IARS2: variants seen among roughly 807,000 people sequenced by gnomAD.
The protein encoded by IARS2 is isoleucine--tRNA ligase, mitochondrial.
Under a neutral mutation model 126.3 loss-of-function variants are expected in IARS2, and 56 were observed. The observed-to-expected ratio is 0.44, with a 90% CI of 0.36 to 0.55. The LOEUF (loss-of-function observed/expected upper bound fraction) is 0.55. Among genes scored for constraint, IARS2 ranks in the 20% least tolerant of loss-of-function variants. IARS2 has a pLI of 0.00. For missense variants in IARS2, 1,127 were observed against 1,245.9 expected (o/e 0.90, Z 1.44); for synonymous variants, 407 against 441.1 (o/e 0.92, Z 0.97).
At chr1:220,131,793 ATTT>A (rs34917733) in intron 14 of IARS2, among the ~76,000 whole-genome samples, 14 of 120,584 alleles carry the variant, frequency 1.2e-4, no homozygotes, top group Middle Eastern at 5.5e-3. Context: ...GCCACGTTGA[ATTT>A]TTTTTTTTTT....
Position 220,126,834 on chromosome 1 carries a change from G to A in IARS2, c.1828G>A (p.Val610Ile), listed in dbSNP as rs764223534. The change falls in exon 14 of 23, where the codon GTT (valine) becomes ATT (isoleucine). Residue 610 changes from valine (V) to isoleucine (I), a missense_variant. Coordinates refer to ENST00000366922, the MANE Select transcript of IARS2 (RefSeq NM_018060.4). The part of the protein sequence containing the change: ...WFDSGTSWSY[V>I]LPGPDQRADL... Reference sequence around the variant, plus strand: ...TGATAGCGGAACTTCATGGTCTTATGTTCTTCCAGGTAATTCTTAAAAATA... The same window carrying A: ...TGATAGCGGAACTTCATGGTCTTATATTCTTCCAGGTAATTCTTAAAAATA... The A allele has an allele frequency of 1.2e-6, 2 of 1,604,968 alleles. No individual in the cohort carries two copies. The highest frequency in any genetic ancestry group is 1.7e-5 in the Admixed American group (1 of 57,636).
intron 22 of IARS2, among the ~76,000 whole-genome samples, chr1:220,146,426 G>A (rs1308163609): frequency 6.8e-6 from 1 of 146,036 alleles, no homozygotes; most frequent in East Asian, 2.2e-4. Context: ...GCTGGGGTGG[G>A]AGAATGGCGT....
chr1:220,136,718 A>G lies in IARS2; in HGVS notation c.1947-91A>G, dbSNP rs1004065628. Reference sequence around the variant, plus strand: ...TCAAGAAAAATCATATTTTTGTGTCAAACTTAGATACTCTTTTTAAGCTGT... The same window carrying G: ...TCAAGAAAAATCATATTTTTGTGTCGAACTTAGATACTCTTTTTAAGCTGT... On this transcript the variant is annotated intron_variant, in intron 15 of 22. Coordinates refer to ENST00000366922, the MANE Select transcript of IARS2 (RefSeq NM_018060.4). The G allele has an allele frequency of 1.1e-5, 6 of 550,624 alleles. No homozygotes were observed. The African/African-American group carries it at 1.2e-4, about 11-fold the overall frequency. The allele number at this position is 550,624 out of a possible 1,614,324, so 34.1% of individuals were successfully genotyped here. A position where few individuals can be genotyped will look rare whatever the true frequency, so the allele number is the denominator to read the frequency against.
At chr1:220,095,889 G>A (rs1344383771) in intron 1 of IARS2, among the ~76,000 whole-genome samples, 2 of 152,144 alleles carry the variant, frequency 1.3e-5, no homozygotes, top group Non-Finnish European at 2.9e-5. Flanking sequence ...TTCAATCTGA[G>A]GTGTATGGGG....
At chr1:220,144,358 G>T (rs1657548478) in intron 21 of IARS2, 3 of 668,922 alleles carry the variant, frequency 4.5e-6, no homozygotes, top group Non-Finnish European at 8.0e-6. Flanking sequence ...CATTGTGGTG[G>T]TGCAGAAAGA....
At chr1:220,137,013 C>A in intron 16 of IARS2, 102 bp downstream of exon 16, 1 of 622,028 alleles carries the variant, frequency 1.6e-6, no homozygotes, top group Non-Finnish European at 2.8e-6. Flanking sequence ...TAAAAACTAT[C>A]TTTTATACTC....
At chr1:220,139,697 G>C (rs964288624) in intron 18 of IARS2, among the ~76,000 whole-genome samples, 10 of 152,182 alleles carry the variant, frequency 6.6e-5, no homozygotes, top group African/African-American at 2.4e-4. Flanking sequence ...GCTGCAGTGA[G>C]CTGTGATTGT....
At chr1:220,144,239 GA>G in intron 21 of IARS2, 1 of 767,912 alleles carries the variant, frequency 1.3e-6, no homozygotes, top group South Asian at 1.3e-5. Context: ...ATCACGGTGA[GA>G]AACAGGATGA....
intron 14 of IARS2, among the ~76,000 whole-genome samples, chr1:220,128,131 G>A (rs1657190057): frequency 6.6e-6 from 1 of 151,366 alleles, no homozygotes; most frequent in Non-Finnish European, 1.5e-5. Context: ...GGAAAATATA[G>A]TATTCTCAGG....
rs572167604 is a variant in IARS2 at position 220,142,545 on chromosome 1, T to C, written c.2561-399T>C. On this transcript the variant is annotated intron_variant, in intron 20 of 22. Coordinates refer to ENST00000366922, the MANE Select transcript of IARS2 (RefSeq NM_018060.4). ...TTTTAGGTTGTATTAAAACAAAATATAGTGCTTTTAGTGAGTTTTATGTTA... is the reference window on the plus strand; with the variant it reads ...TTTTAGGTTGTATTAAAACAAAATACAGTGCTTTTAGTGAGTTTTATGTTA... Among the ~76,000 whole-genome samples the C allele has an allele frequency of 2.6e-5, 4 of 152,324 alleles. No individual in the cohort carries two copies. In the South Asian group the frequency reaches 8.3e-4, roughly 32 times the overall value.
intron 12 of IARS2, chr1:220,118,125 C>CT (rs745894537): frequency 1.7e-5 from 8 of 470,114 alleles, no homozygotes; most frequent in South Asian, 1.3e-4. Context: ...AATTTTCTGT[C>CT]TTTCTTTATT....
intron 11 of IARS2, among the ~76,000 whole-genome samples, chr1:220,111,604 G>A (rs1198063553): frequency 3.7e-4 from 55 of 147,012 alleles, no homozygotes; most frequent in Middle Eastern, 3.5e-3. Context: ...ATATATGTGT[G>A]TGTGTGTGTG....
intron 19 of IARS2, among the ~76,000 whole-genome samples, chr1:220,141,379 C>G (rs1404746082): frequency 1.3e-5 from 2 of 152,156 alleles, no homozygotes; most frequent in Non-Finnish European, 2.9e-5. Context: ...ACGGTCCTAC[C>G]TTCATGGTAA....
At chr1:220,119,437 G>A (rs1656993507) in intron 12 of IARS2, among the ~76,000 whole-genome samples, 1 of 152,040 alleles carries the variant, frequency 6.6e-6, no homozygotes, top group Non-Finnish European at 1.5e-5. Flanking sequence ...TTTGTGTTAA[G>A]TATACAATGT....
At chr1:220,117,017 A>T (rs908665469) in intron 12 of IARS2, among the ~76,000 whole-genome samples, 8 of 151,988 alleles carry the variant, frequency 5.3e-5, no homozygotes, top group African/African-American at 1.9e-4. Flanking sequence ...GAGTGCTGAG[A>T]TTACAGGCAT....
At chr1:220,140,069 T>TGTATTTGCAAGAA (rs1657454606) in intron 18 of IARS2, 114 bp from the exon 19 acceptor site, 1 of 683,596 alleles carries the variant, frequency 1.5e-6, no homozygotes, top group African/African-American at 1.8e-5. Context: ...TATTGCCTGT[T>TGTATTTGCAAGAA]TTGTATTTGT....
chr1:220,123,801 C>T (rs1343298446), intron 12 of IARS2, among the ~76,000 whole-genome samples: 1 of 152,178 alleles, frequency 6.6e-6, no homozygotes, highest in African/African-American at 2.4e-5. Flanking sequence ...AATTTATACT[C>T]ATTTGATTTT....
chr1:220,111,598 A>ATGTGTGTGTG (rs34903707), intron 11 of IARS2, among the ~76,000 whole-genome samples: 45 of 134,858 alleles, frequency 3.3e-4, no homozygotes, highest in East Asian at 2.6e-3. Flanking sequence ...ATATATATAT[A>ATGTGTGTGTG]TGTGTGTGTG....
chr1:220,097,041 G>T (rs1313642582), intron 2 of IARS2, among the ~76,000 whole-genome samples: 1 of 147,104 alleles, frequency 6.8e-6, no homozygotes, highest in Non-Finnish European at 1.5e-5. Flanking sequence ...GCAAGATTCC[G>T]TCTCAAAAAA....
Sources: gnomAD v4.1 joint callset for allele counts (sites outside exome capture counted in the v4.1 genomes callset) on GRCh38, gnomAD v4.1.1 for gene constraint, MANE v1.5 for transcripts, NCBI Gene and HGNC (gene_info 2026-07-23, HGNC 2026-07-21) for gene names.